ARIH1: variants seen among roughly 807,000 people sequenced by gnomAD.
The protein encoded by ARIH1 is E3 ubiquitin-protein ligase ARIH1.
A neutral mutation model predicts 85.0 loss-of-function variants in ARIH1; 8 were observed. The observed-to-expected ratio is 0.09, with a 90% CI of 0.06 to 0.17. The LOEUF is 0.17. ARIH1 is among the 10% of genes least tolerant of loss of function. ARIH1 has a pLI of 1.00. For missense variants in ARIH1, 311 were observed against 718.1 expected (o/e 0.43, Z 6.48); for synonymous variants, 238 against 253.6 (o/e 0.94, Z 0.59).
intron 1 of ARIH1, among the ~76,000 whole-genome samples, chr15:72,480,811 C>T (rs767242083): frequency 2.0e-4 from 30 of 152,084 alleles, no homozygotes; most frequent in Non-Finnish European, 2.2e-4. Flanking sequence ...GTGATCTGCC[C>T]GCCTCGGCCT....
At chr15:72,502,677 G>A (rs1167599648) in intron 1 of ARIH1, among the ~76,000 whole-genome samples, 1 of 152,094 alleles carries the variant, frequency 6.6e-6, no homozygotes, top group Non-Finnish European at 1.5e-5. Flanking sequence ...ATCGTGGCAC[G>A]TGCCTGTAGT....
chr15:72,550,883 G>A (rs1366141929), intron 3 of ARIH1, among the ~76,000 whole-genome samples: 5 of 152,028 alleles, frequency 3.3e-5, no homozygotes, highest in Non-Finnish European at 1.5e-5. Context: ...TGTTGGCCAG[G>A]TTGGTCTTGA....
chr15:72,561,623 TTTA>T (rs1305797983), intron 6 of ARIH1, 74 bp downstream of exon 6: 1 of 897,610 alleles, frequency 1.1e-6, no homozygotes, highest in Non-Finnish European at 1.7e-6. Context: ...AAAATTATAA[TTTA>T]TTGACAGTAA....
intron 1 of ARIH1, among the ~76,000 whole-genome samples, chr15:72,495,987 C>T (rs536114329): frequency 9.2e-5 from 14 of 152,170 alleles, no homozygotes; most frequent in East Asian, 7.7e-4. Context: ...CACAGCTCAC[C>T]GCAGCCTTCA....
At chr15:72,509,985 T>A (rs2063942808) in intron 1 of ARIH1, among the ~76,000 whole-genome samples, 1 of 151,736 alleles carries the variant, frequency 6.6e-6, no homozygotes, top group Non-Finnish European at 1.5e-5. Flanking sequence ...GATGGGATCC[T>A]AGCACACTAC....
At chr15:72,571,855 A>G (rs1567359195) in intron 10 of ARIH1, among the ~76,000 whole-genome samples, 1 of 152,174 alleles carries the variant, frequency 6.6e-6, no homozygotes, top group African/African-American at 2.4e-5. Context: ...GGAATTTCCT[A>G]TCACTGGATA....
intron 1 of ARIH1, among the ~76,000 whole-genome samples, chr15:72,498,502 A>G (rs2063889267): frequency 6.6e-6 from 1 of 152,176 alleles, no homozygotes; most frequent in Admixed American, 6.5e-5. Flanking sequence ...TTATGTTTAT[A>G]TTTACATGTG....
At chr15:72,503,375 GAGGCAGTTGT>G in intron 1 of ARIH1, among the ~76,000 whole-genome samples, 1 of 152,316 alleles carries the variant, frequency 6.6e-6, no homozygotes, top group East Asian at 1.9e-4. Context: ...TGGGTATTTA[GAGGCAGTTGT>G]GACAGTGGCA....
At chr15:72,519,793 T>A (rs1302003384) in intron 2 of ARIH1, among the ~76,000 whole-genome samples, 1 of 152,172 alleles carries the variant, frequency 6.6e-6, no homozygotes, top group East Asian at 1.9e-4. Flanking sequence ...CCTGACCGTA[T>A]TTTTTGACAT....
Position 72,587,518 on chromosome 15 carries a change from A to T in ARIH1, c.*4226A>T. The T allele has an allele frequency of 3.9e-6, 1 of 257,360 alleles. No homozygotes were observed. The highest frequency in any genetic ancestry group is 7.6e-6 in the Non-Finnish European group (1 of 131,378). 15.9% of individuals were successfully genotyped at this position (257,360 alleles called of 1,614,324 possible). A position where few individuals can be genotyped will look rare whatever the true frequency, so the allele number is the denominator to read the frequency against. On this transcript the variant is annotated 3_prime_UTR_variant, in exon 14 of 14. Coordinates refer to ENST00000379887, the MANE Select transcript of ARIH1 (RefSeq NM_005744.5). ...ATTCAAATGAATTTCCATTGTAAAG[A>T]ATTTTGGATAGTCTGCAGGAAATTG... is the stretch of plus-strand genomic sequence containing the variant.
chr15:72,562,400 T>C (rs2064201007), intron 6 of ARIH1, among the ~76,000 whole-genome samples: 1 of 152,242 alleles, frequency 6.6e-6, no homozygotes, highest in African/African-American at 2.4e-5. Flanking sequence ...AACTTGGTCT[T>C]TTAATTCTAG....
chr15:72,552,178 A>G (rs2064155553), intron 3 of ARIH1, among the ~76,000 whole-genome samples: 2 of 152,240 alleles, frequency 1.3e-5, no homozygotes, highest in Non-Finnish European at 1.5e-5. Flanking sequence ...TAGTAGGAAA[A>G]AAAAAGGCAG....
chr15:72,573,001 A>G (rs1184842263), intron 11 of ARIH1, among the ~76,000 whole-genome samples: 1 of 152,126 alleles, frequency 6.6e-6, no homozygotes, highest in Non-Finnish European at 1.5e-5. Context: ...ATTTTATTGT[A>G]ATTGTGGAAC....
At chr15:72,577,177 A>T (rs2064275459) in intron 11 of ARIH1, among the ~76,000 whole-genome samples, 1 of 151,014 alleles carries the variant, frequency 6.6e-6, no homozygotes, top group Non-Finnish European at 1.5e-5. Context: ...TAGAGACGGG[A>T]TTTCATCATG....
chr15:72,506,366 GA>G (rs1227942202), intron 1 of ARIH1, among the ~76,000 whole-genome samples: 18 of 54,500 alleles, frequency 3.3e-4, no homozygotes, highest in African/African-American at 7.3e-4. Context: ...AAAAAAAAAA[GA>G]AAAAAAAAAA....
intron 1 of ARIH1, among the ~76,000 whole-genome samples, chr15:72,497,821 C>T (rs576752948): frequency 6.6e-5 from 10 of 152,232 alleles, no homozygotes; most frequent in Admixed American, 1.3e-4. Context: ...GGTTTTCAAA[C>T]CAGCAATCTT....
intron 1 of ARIH1, among the ~76,000 whole-genome samples, chr15:72,492,436 A>G (rs1176607471): frequency 1.2e-4 from 18 of 152,310 alleles, no homozygotes; most frequent in African/African-American, 4.3e-4. Context: ...GTTCTTTAGT[A>G]AAGTTCTCAG....
intron 1 of ARIH1, chr15:72,496,992 T>C (rs959241081): frequency 1.5e-5 from 5 of 322,916 alleles, no homozygotes; most frequent in African/African-American, 6.7e-5. Flanking sequence ...TGGGAAAGTT[T>C]GTTTTGACAT....
chr15:72,550,021 T>G (rs2064146657), intron 3 of ARIH1, among the ~76,000 whole-genome samples: 2 of 152,168 alleles, frequency 1.3e-5, no homozygotes, highest in East Asian at 1.9e-4. Flanking sequence ...CAGGAAGATA[T>G]CTGCGATAAT....
Sources: gnomAD v4.1 joint callset for allele counts (sites outside exome capture counted in the v4.1 genomes callset) on GRCh38, gnomAD v4.1.1 for gene constraint, MANE v1.5 for transcripts, NCBI Gene and HGNC (gene_info 2026-07-23, HGNC 2026-07-21) for gene names.